The following SNX21 variants were observed in gnomAD, a reference collection of about 807,000 sequenced individuals.
SNX21 encodes the protein sorting nexin-21.
SNX21 carries 36 observed loss-of-function variants against 30.9 expected under a neutral mutation model. That is an observed-to-expected ratio of 1.16 (90% CI 0.89 to 1.54). The LOEUF (loss-of-function observed/expected upper bound fraction) is 1.54. Among genes scored for constraint, SNX21 ranks in the 40% most tolerant of loss-of-function variants. SNX21 has a pLI of 0.00. For synonymous variants in SNX21, 218 were observed against 222.7 expected (o/e 0.98, Z 0.19); for missense variants, 508 against 516.5 (o/e 0.98, Z 0.16).
Position 45,834,442 on chromosome 20 carries a change from G to C in SNX21, c.263G>C (p.Gly88Ala), listed in dbSNP as rs150979976. ...GCTGGCCCTGACCAGCTGCCCCTCG[G>C]GGATGGGACGTCAGGAGAAGACGCA... Reference protein sequence around the residue: ...EEAGPDQLPLGDGTSGEDAER... With the variant: ...EEAGPDQLPLADGTSGEDAER... The change falls in exon 2 of 4, where the codon GGG becomes GCG. Residue 88 changes from glycine (G) to alanine (A), a missense_variant. Transcript: ENST00000491381. The C allele has an allele frequency of 4.7e-4, 761 of 1,605,936 alleles. 9 individuals carry two copies. In the South Asian group the frequency reaches 5.1e-3, roughly 11 times the overall value.
Position 45,833,956 on chromosome 20 carries a change from G to A in SNX21, c.21+16G>A, listed in dbSNP as rs1983235955. 5 of 1,437,896 alleles carry A rather than the reference G, an allele frequency of 3.5e-6. No homozygotes were observed. In the East Asian group the frequency reaches 1.1e-4, roughly 32 times the overall value. 89.1% of individuals were successfully genotyped at this position (1,437,896 alleles called of 1,614,324 possible). A position where few individuals can be genotyped will look rare whatever the true frequency, so the allele number is the denominator to read the frequency against. ...GACGCAGGAGGTAGAGGCGCACGAG[G>A]CGGCGCAAGAGACATCGGGAGGGTC... On this transcript the variant is annotated intron_variant, in intron 1 of 3. Transcript: ENST00000491381.
At position 45,841,559 on chromosome 20, in the gene SNX21, G is replaced by C. The variant is rs12106124; in HGVS notation, c.*246G>C. 7.4e-4 allele frequency: 1,024 copies of C among 1,386,148 alleles called. No individual in the cohort carries two copies. Among genetic ancestry groups the C allele is most frequent in the Non-Finnish European group, 9.1e-4 (986 of 1,077,728 alleles). 85.9% of individuals were successfully genotyped at this position (1,386,148 alleles called of 1,614,324 possible). ...CAGCCTCTCCAGCCTATAAACAGCC[G>C]GGGGGCTGTGGCACAGGTTGGGGCA... On this transcript the variant is annotated 3_prime_UTR_variant, in exon 4 of 4. Coordinates refer to ENST00000491381, the MANE Select transcript of SNX21 (RefSeq NM_033421.4).
Position 45,841,217 on chromosome 20 carries a change from A to G in SNX21, c.1026A>G (p.Gln342=), listed in dbSNP as rs370273745. 2.9e-5 allele frequency: 47 copies of G among 1,613,790 alleles called. No homozygotes were observed. In the African/African-American group the frequency reaches 3.7e-4, roughly 13 times the overall value. Reference sequence around the variant, plus strand: ...GGCGCCTGGGCCTGGACAAACGTCAATCAGAGGCTCGGCTCCAAGCCCTGC... The same window carrying G: ...GGCGCCTGGGCCTGGACAAACGTCAGTCAGAGGCTCGGCTCCAAGCCCTGC... The part of the protein sequence containing the change: ...LSWRLGLDKR[Q]SEARLQALQE... Residue 342 remains glutamine, a synonymous_variant, in exon 4 of 4, where the codon CAA becomes CAG. Coordinates refer to ENST00000491381, the MANE Select transcript of SNX21 (RefSeq NM_033421.4).
Position 45,841,861 on chromosome 20 carries a change from G to A in SNX21, c.*548G>A. The stretch of plus-strand genomic sequence containing the variant: ...GGCTACAGCTTGCTCTCTGAGACCT[G>A]GGGCTTCACTCGGATCACGCCCTCC... On this transcript the variant is annotated 3_prime_UTR_variant, in exon 4 of 4. Coordinates refer to ENST00000491381, the MANE Select transcript of SNX21 (RefSeq NM_033421.4). 1 of 1,606,762 alleles carries A rather than the reference G, an allele frequency of 6.2e-7. No individual in the cohort carries two copies. Among genetic ancestry groups the A allele is most frequent in the Non-Finnish European group, 8.5e-7 (1 of 1,177,858 alleles).
At position 45,842,400 on chromosome 20, in the gene SNX21, C is replaced by T; in HGVS notation, c.*1087C>T. The T allele has an allele frequency of 1.2e-5, 15 of 1,211,952 alleles. No homozygotes were observed. Among genetic ancestry groups the T allele is most frequent in the Non-Finnish European group, 1.5e-5 (15 of 970,548 alleles). The allele number at this position is 1,211,952 out of a possible 1,614,324, so 75.1% of individuals were successfully genotyped here. ...AGCTCGGCCAAGCAGAACTGCTGTA[C>T]CTCTGACCACTTGTGTTAGGAAAAC... On this transcript the variant is annotated 3_prime_UTR_variant, in exon 4 of 4. Coordinates refer to ENST00000491381, the MANE Select transcript of SNX21 (RefSeq NM_033421.4).
chr20:45,840,215 G>A, intron 3 of SNX21: 1 of 1,416,554 alleles, frequency 7.1e-7, no homozygotes, highest in South Asian at 1.5e-5. Flanking sequence ...GGAAAAGCCT[G>A]ACCAGGGATG....
chr20:45,840,419 C>A, intron 3 of SNX21: 1 of 1,614,200 alleles, frequency 6.2e-7, no homozygotes, highest in Non-Finnish European at 8.5e-7. Context: ...TTTCTCTCTT[C>A]TTGCTGCCTT....
At position 45,840,737 on chromosome 20, in the gene SNX21, G is replaced by A. The variant is rs190596888; in HGVS notation, c.546G>A (p.Leu182=). The change falls in exon 4 of 4, where the codon CTG becomes CTA. Residue 182 remains leucine (L), a synonymous_variant. Transcript: ENST00000491381. ...ACTTTGAGCGGCTGCACCGAAACCT[G>A]CAGCGGCAATTCCGGGGCCCAATGG... ...YSDFERLHRN[L]QRQFRGPMAA... 6.2e-7 allele frequency: 1 copy of A among 1,614,060 alleles called. No homozygotes were observed. The highest frequency in any genetic ancestry group is 8.5e-7 in the Non-Finnish European group (1 of 1,180,046).
intron 2 of SNX21, chr20:45,834,715 A>G (rs754997504): frequency 1.4e-5 from 9 of 652,308 alleles, no homozygotes; most frequent in Non-Finnish European, 2.3e-5. Context: ...TTAAATGTAC[A>G]GGGCTTGGGA....
intron 3 of SNX21, among the ~76,000 whole-genome samples, chr20:45,839,308 G>T (rs1434459281): frequency 6.6e-6 from 1 of 152,108 alleles, no homozygotes; most frequent in African/African-American, 2.4e-5. Context: ...AAGGTCAGGA[G>T]ATCGAGACCA....
chr20:45,839,119 T>C (rs1378167600), intron 3 of SNX21, among the ~76,000 whole-genome samples: 1 of 152,016 alleles, frequency 6.6e-6, no homozygotes, highest in African/African-American at 2.4e-5. Flanking sequence ...TCTCGAACTC[T>C]CAACCTCAGG....
At chr20:45,838,569 C>T (rs1197107398) in intron 3 of SNX21, among the ~76,000 whole-genome samples, 25 of 151,654 alleles carry the variant, frequency 1.6e-4, no homozygotes, top group African/African-American at 6.1e-4. Flanking sequence ...GCCTGGCCAA[C>T]ACGGTGAAAC....
chr20:45,838,046 A>G (rs899154973), intron 3 of SNX21, among the ~76,000 whole-genome samples: 5 of 151,456 alleles, frequency 3.3e-5, no homozygotes, highest in African/African-American at 4.9e-5. Context: ...TTGGGATTAC[A>G]GGTGTGAGCC....
In SNX21 at chr20:45,840,696, T is replaced by G. The variant is rs773146915; in HGVS notation, c.505T>G (p.Ser169Ala). The G allele has an allele frequency of 2.2e-5, 36 of 1,613,976 alleles. No homozygotes were observed. The highest frequency in any genetic ancestry group is 3.0e-5 in the Non-Finnish European group (35 of 1,180,040). ...GPPDCQPAQI[S>A]RRYSDFERLH... is the part of the protein sequence containing the mutation. ...GCCAGATTGCCAGCCAGCCCAGATC[T>G]CTCGCCGTTACTCGGACTTTGAGCG... Residue 169 changes from serine (S) to alanine (A), a missense_variant, in exon 4 of 4, where the codon TCT (serine) becomes GCT (alanine). Coordinates refer to ENST00000491381, the MANE Select transcript of SNX21 (RefSeq NM_033421.4).
Position 45,841,877 on chromosome 20 carries a change from C to T in SNX21, c.*564C>T, listed in dbSNP as rs536751648. ...CTGAGACCTGGGGCTTCACTCGGAT[C>T]ACGCCCTCCTGGGCACAGGTCACAG... On this transcript the variant is annotated 3_prime_UTR_variant, in exon 4 of 4. Coordinates refer to ENST00000491381, the MANE Select transcript of SNX21 (RefSeq NM_033421.4). 6.2e-7 allele frequency: 1 copy of T among 1,609,996 alleles called. No homozygotes were observed. The highest frequency in any genetic ancestry group is 1.7e-5 in the Admixed American group (1 of 59,634).
intron 1 of SNX21, 34 bp downstream of exon 1, chr20:45,833,974 G>A: frequency 6.9e-7 from 1 of 1,438,980 alleles, no homozygotes; most frequent in Admixed American, 3.2e-5. Context: ...AGAGACATCG[G>A]GAGGGTCCTG....
At position 45,834,988 on chromosome 20, in the gene SNX21, G is replaced by A; in HGVS notation, c.319G>A (p.Gly107Ser). 1 of 1,614,146 alleles carries A rather than the reference G, an allele frequency of 6.2e-7. No individual in the cohort carries two copies. The highest frequency in any genetic ancestry group is 1.3e-5 in the African/African-American group (1 of 75,056). The stretch of plus-strand genomic sequence containing the variant: ...GAGCCCCCCACCTGATGGGCAGTGG[G>A]GCAGTCAGCTCCTGGCGCGGCAGCT... ...ERSPPPDGQW[G>S]SQLLARQLQD... The change falls in exon 3 of 4, where the codon GGC (glycine) becomes AGC (serine). Residue 107 changes from glycine (G) to serine (S), a missense_variant. Coordinates refer to ENST00000491381, the MANE Select transcript of SNX21 (RefSeq NM_033421.4).
chr20:45,834,321 G>C lies in SNX21; in HGVS notation c.142G>C (p.Asp48His). The change falls in exon 2 of 4, where the codon GAC becomes CAC. Residue 48 changes from aspartate to histidine, a missense_variant. Asp to His is a moderately conservative substitution (Grantham distance 81). Transcript: ENST00000491381. Reference sequence around the variant, plus strand: ...TCCGGAGAGCTCAGAGCTGGAGGACGACGACGCCGAGGGCCTGTCCTCCCG... The same window carrying C: ...TCCGGAGAGCTCAGAGCTGGAGGACCACGACGCCGAGGGCCTGTCCTCCCG... ...QFPESSELEDDDAEGLSSRLS... is the reference protein window; with the variant it reads ...QFPESSELEDHDAEGLSSRLS... The C allele has an allele frequency of 5.6e-6, 9 of 1,597,972 alleles. No individual in the cohort carries two copies. The highest frequency in any genetic ancestry group is 7.6e-6 in the Non-Finnish European group (9 of 1,177,310).
chr20:45,836,675 G>C (rs893296852), intron 3 of SNX21, among the ~76,000 whole-genome samples: 6 of 152,024 alleles, frequency 3.9e-5, no homozygotes, highest in Admixed American at 1.3e-4. Context: ...CAATGATGAA[G>C]TCTGAAGTGG....
Sources: allele counts gnomAD v4.1 joint callset (sites outside exome capture counted in the v4.1 genomes callset), GRCh38; gene constraint gnomAD v4.1.1; transcripts MANE v1.5; gene names NCBI Gene and HGNC (gene_info 2026-07-23, HGNC 2026-07-21).